Variants in ZNF233 observed in about 807,000 individuals in gnomAD.
ZNF233 encodes zinc finger protein 233.
Under a neutral mutation model 11.6 loss-of-function variants are expected in ZNF233, and 7 were observed. That is an observed-to-expected ratio of 0.60 (90% CI 0.34 to 1.13). The LOEUF (loss-of-function observed/expected upper bound fraction) is 1.13. Among genes scored for constraint, ZNF233 ranks in the 50% most tolerant of loss-of-function variants. ZNF233 has a pLI of 0.03. For synonymous variants in ZNF233, 226 were observed against 268.5 expected (o/e 0.84, Z 1.55); for missense variants, 711 against 785.5 (o/e 0.91, Z 1.13).
At chr19:44,272,852 G>C in intron 4 of ZNF233, 47 bp from the exon 5 acceptor site, 1 of 1,323,048 alleles carries the variant, frequency 7.6e-7, no homozygotes, top group Non-Finnish European at 1.0e-6. Context: ...CTGAACAAAT[G>C]TTCAGTTGTC....
Position 44,273,689 on chromosome 19 carries a change from A to G in ZNF233, c.1029A>G (p.Arg343=). Residue 343 remains arginine (R), a synonymous_variant, in exon 5 of 5, where the codon AGA becomes AGG. Transcript: ENST00000683810. ...TCAGCACAGGAGAGAACCTCTACAGATGTCAGGTATATGCCCGGAGCTCCA... is the reference window on the plus strand; with the variant it reads ...TCAGCACAGGAGAGAACCTCTACAGGTGTCAGGTATATGCCCGGAGCTCCA... ...QRVSTGENLY[R]CQVYARSSNQ... is the part of the protein sequence containing the mutation. The G allele has an allele frequency of 6.2e-7, 1 of 1,614,086 alleles. No homozygotes were observed. The highest frequency in any genetic ancestry group is 8.5e-7 in the Non-Finnish European group (1 of 1,180,000).
At position 44,274,020 on chromosome 19, in the gene ZNF233, T is replaced by C; in HGVS notation, c.1360T>C (p.Cys454Arg). The C allele has an allele frequency of 1.3e-6, 2 of 1,597,870 alleles. No homozygotes were observed. Among genetic ancestry groups the C allele is most frequent in the Non-Finnish European group, 1.7e-6 (2 of 1,179,430 alleles). Reference sequence around the variant, plus strand: ...TCACACTGGAGAGAAACCATATAAATGTGAGGTATGTGATAAGGGCTTCAG... The same window carrying C: ...TCACACTGGAGAGAAACCATATAAACGTGAGGTATGTGATAAGGGCTTCAG... ...RVHTGEKPYK[C>R]EVCDKGFSKA... Residue 454 changes from cysteine (C) to arginine (R), a missense_variant, in exon 5 of 5, where the codon TGT becomes CGT. Physicochemically the swap from Cys to Arg is radical, Grantham distance 180. Transcript: ENST00000683810.
At position 44,273,533 on chromosome 19, in the gene ZNF233, CG is replaced by C; in HGVS notation, c.876del (p.Lys293ArgfsTer3). ...ACAAGCCTCATGTAAATGTTGAGTA[CG>C]GGAAGGGCATAGGTTACAGCTCAGG... ...RDKPHVNVEY[G>X]KGIGYSSGLP... On this transcript the variant is annotated frameshift_variant, in exon 5 of 5. Transcript: ENST00000683810. LOFTEE classifies it low-confidence loss of function (END_TRUNC). 1 of 1,614,146 alleles carries C rather than the reference CG, an allele frequency of 6.2e-7. No individual in the cohort carries two copies. The highest frequency in any genetic ancestry group is 8.5e-7 in the Non-Finnish European group (1 of 1,180,030).
At chr19:44,267,039 C>G in intron 4 of ZNF233, 78 bp downstream of exon 4, 1 of 1,125,480 alleles carries the variant, frequency 8.9e-7, no homozygotes. Flanking sequence ...AGCCACCAGC[C>G]TGGCCCAAGA....
intron 4 of ZNF233, chr19:44,267,539 T>C (rs563887832): frequency 2.6e-6 from 1 of 382,078 alleles, no homozygotes; most frequent in Admixed American, 4.9e-5. Context: ...AAACTATGTA[T>C]ATATACATGT....
intron 2 of ZNF233, among the ~76,000 whole-genome samples, chr19:44,265,090 C>A (rs1172592000): frequency 6.6e-6 from 1 of 152,102 alleles, no homozygotes; most frequent in Non-Finnish European, 1.5e-5. Flanking sequence ...CCTCCTGTCT[C>A]TTTCAAGTCA....
Position 44,274,584 on chromosome 19 carries a change from C to T in ZNF233, c.1924C>T (p.His642Tyr). 6.2e-7 allele frequency: 1 copy of T among 1,614,102 alleles called. No individual in the cohort carries two copies. The highest frequency in any genetic ancestry group is 8.5e-7 in the Non-Finnish European group (1 of 1,180,008). The change falls in exon 5 of 5, where the codon CAT becomes TAT. Residue 642 changes from histidine to tyrosine, a missense_variant. Transcript: ENST00000683810. The stretch of plus-strand genomic sequence containing the variant: ...ACATCTTCAAGCCCATCAGAGAGTC[C>T]ATACTGGAGAGAAACCATACAAATG... ...TSHLQAHQRV[H>Y]TGEKPYKCFV...
rs778012037 is a variant in ZNF233 at position 44,272,965 on chromosome 19, A to T, written c.305A>T (p.Asp102Val). The T allele has an allele frequency of 6.2e-7, 1 of 1,611,730 alleles. No homozygotes were observed. Among genetic ancestry groups the T allele is most frequent in the Non-Finnish European group, 8.5e-7 (1 of 1,179,388 alleles). The stretch of plus-strand genomic sequence containing the variant: ...AGATTAAGATTCCTTTCATATGAAG[A>T]CCTTATATGCTGGCAAATATGGGAA... ...EVRLRFLSYEDLICWQIWEQF... is the reference protein window; with the variant it reads ...EVRLRFLSYEVLICWQIWEQF... Residue 102 changes from aspartate (D) to valine (V), a missense_variant, in exon 5 of 5, where the codon GAC becomes GTC. Asp to Val is a radical substitution (Grantham distance 152). Transcript: ENST00000683810.
rs1168324834 is a variant in ZNF233, at chr19:44,266,327, G to A, written c.142+3G>A. The A allele has an allele frequency of 4.4e-6, 7 of 1,597,846 alleles. No homozygotes were observed. The highest frequency in any genetic ancestry group is 5.1e-6 in the Non-Finnish European group (6 of 1,171,470). On this transcript the variant is annotated splice_donor_region_variant and intron_variant, in intron 3 of 4. Coordinates refer to ENST00000683810, the MANE Select transcript of ZNF233 (RefSeq NM_001207005.2). The stretch of plus-strand genomic sequence containing the variant: ...CTTCAGGAACCTGCTGTCAGTGGGT[G>A]AGCACAGGCACCTTCTGTAACTGAA...
rs1467565544 is a variant in ZNF233 at position 44,274,509 on chromosome 19, G to A, written c.1849G>A (p.Glu617Lys). 1.2e-6 allele frequency: 2 copies of A among 1,614,108 alleles called. No individual in the cohort carries two copies. Among genetic ancestry groups the A allele is most frequent in the Non-Finnish European group, 1.7e-6 (2 of 1,180,026 alleles). The part of the protein sequence containing the change: ...LHVHQRIHTG[E>K]KPYKCGMCGK... ...TGTTCATCAGAGGATCCACACGGGA[G>A]AGAAACCCTATAAATGTGGCATGTG... The change falls in exon 5 of 5, where the codon GAG becomes AAG. Residue 617 changes from glutamate to lysine, a missense_variant. Physicochemically the swap from Glu to Lys is moderately conservative, Grantham distance 56. Coordinates refer to ENST00000683810, the MANE Select transcript of ZNF233 (RefSeq NM_001207005.2).
At chr19:44,260,020 C>A in intron 1 of ZNF233, 82 bp downstream of exon 1, 1 of 417,678 alleles carries the variant, frequency 2.4e-6, no homozygotes, top group Non-Finnish European at 4.9e-6. Flanking sequence ...CCCTCGCTCT[C>A]AGTGAAGGGA....
Position 44,274,350 on chromosome 19 carries a change from T to C in ZNF233, c.1690T>C (p.Tyr564His). The change falls in exon 5 of 5, where the codon TAC becomes CAC. Residue 564 changes from tyrosine (Y) to histidine (H), a missense_variant. Tyr to His is a moderately conservative substitution (Grantham distance 83). Transcript: ENST00000683810. ...HQQVHTGENPYKCDVCGKGFS... is the reference protein window; with the variant it reads ...HQQVHTGENPHKCDVCGKGFS... ...GCAAGTCCATACTGGAGAGAATCCC[T>C]ACAAATGTGATGTGTGTGGGAAAGG... is the stretch of plus-strand genomic sequence containing the variant. 6.2e-7 allele frequency: 1 copy of C among 1,614,010 alleles called. No homozygotes were observed. The highest frequency in any genetic ancestry group is 8.5e-7 in the Non-Finnish European group (1 of 1,179,980).
intron 4 of ZNF233, 56 bp downstream of exon 4, chr19:44,267,017 C>A: frequency 7.4e-7 from 1 of 1,356,328 alleles, no homozygotes. Context: ...CTCTCCTCCT[C>A]ACCACCTCCT....
At chr19:44,269,956 T>C (rs1358666875) in intron 4 of ZNF233, among the ~76,000 whole-genome samples, 1 of 152,172 alleles carries the variant, frequency 6.6e-6, no homozygotes, top group Non-Finnish European at 1.5e-5. Context: ...CTGAGGTCTA[T>C]TTTCACTGGA....
At chr19:44,271,549 G>T (rs956443077) in intron 4 of ZNF233, among the ~76,000 whole-genome samples, 2 of 151,140 alleles carry the variant, frequency 1.3e-5, no homozygotes, top group African/African-American at 4.9e-5. Context: ...TCACTCTGTA[G>T]CCCAGGCTTG....
Position 44,273,332 on chromosome 19 carries a change from T to A in ZNF233, c.672T>A (p.Asp224Glu). The change falls in exon 5 of 5, where the codon GAT (aspartate) becomes GAA (glutamate). Residue 224 changes from aspartate to glutamate, a missense_variant. Asp to Glu is a conservative substitution (Grantham distance 45). Transcript: ENST00000683810. Reference sequence around the variant, plus strand: ...AAAGAATTGCTCATCAACATGATGATCATGGAGTACACAAAAGAGAGAAAG... The same window carrying A: ...AAAGAATTGCTCATCAACATGATGAACATGGAGTACACAAAAGAGAGAAAG... ...VRQRIAHQHDDHGVHKREKAF... is the reference protein window; with the variant it reads ...VRQRIAHQHDEHGVHKREKAF... The A allele has an allele frequency of 6.2e-7, 1 of 1,614,114 alleles. No individual in the cohort carries two copies. Among genetic ancestry groups the A allele is most frequent in the Non-Finnish European group, 8.5e-7 (1 of 1,180,024 alleles).
chr19:44,261,708 G>C (rs1017966979), intron 1 of ZNF233, among the ~76,000 whole-genome samples: 1 of 141,810 alleles, frequency 7.1e-6, no homozygotes, highest in African/African-American at 2.7e-5. Flanking sequence ...CTGGAGTGCA[G>C]TGGCACGATC....
intron 1 of ZNF233, among the ~76,000 whole-genome samples, chr19:44,261,320 T>G (rs772786134): frequency 6.6e-6 from 1 of 151,804 alleles, no homozygotes; most frequent in African/African-American, 2.4e-5. Flanking sequence ...CCCAGCTACT[T>G]GGGAGGCTGA....
rs201818973 is a variant in ZNF233 at position 44,274,028 on chromosome 19, A to G, written c.1368A>G (p.Val456=). 1 of 1,597,650 alleles carries G rather than the reference A, an allele frequency of 6.3e-7. No homozygotes were observed. Among genetic ancestry groups the G allele is most frequent in the South Asian group, 1.1e-5 (1 of 91,038 alleles). The stretch of plus-strand genomic sequence containing the variant: ...GAGAGAAACCATATAAATGTGAGGT[A>G]TGTGATAAGGGCTTCAGTAAGGCCT... ...HTGEKPYKCE[V]CDKGFSKASN... Residue 456 remains valine (V), a synonymous_variant, in exon 5 of 5, where the codon GTA becomes GTG. Coordinates refer to ENST00000683810, the MANE Select transcript of ZNF233 (RefSeq NM_001207005.2).
Sources: gnomAD v4.1 joint callset for allele counts (sites outside exome capture counted in the v4.1 genomes callset) on GRCh38, gnomAD v4.1.1 for gene constraint, MANE v1.5 for transcripts, NCBI Gene and HGNC (gene_info 2026-07-23, HGNC 2026-07-21) for gene names.